Variants in TTC9C observed in about 807,000 individuals in gnomAD.
TTC9C encodes the protein tetratricopeptide repeat domain 9C, also known as tetratricopeptide repeat protein 9C.
Under a neutral mutation model 22.5 loss-of-function variants are expected in TTC9C, and 15 were observed. The observed-to-expected ratio is 0.67, with a 90% CI of 0.45 to 1.03. The LOEUF (loss-of-function observed/expected upper bound fraction) is 1.03. Ranked by LOEUF, TTC9C falls within the 50% of genes least tolerant of loss-of-function variation. TTC9C has a pLI of 0.00. For synonymous variants in TTC9C, 92 were observed against 86.8 expected (o/e 1.06, Z -0.33); for missense variants, 244 against 214.6 (o/e 1.14, Z -0.86).
At chr11:62,729,413 T>TTTA (rs2083818962) in intron 1 of TTC9C, among the ~76,000 whole-genome samples, 2 of 142,548 alleles carry the variant, frequency 1.4e-5, no homozygotes, top group Non-Finnish European at 3.2e-5. Flanking sequence ...TTTTATTTTT[T>TTTA]TTTGAGATGG....
In TTC9C at chr11:62,735,696, C is replaced by T. The variant is rs1027855553; in HGVS notation, c.421+132C>T. ...TAATACATTCACATGGTTGAGAATT[C>T]GAACTGAAAAAGTATACGATGAACA... On this transcript the variant is annotated intron_variant, in intron 2 of 2. Transcript: ENST00000316461. 30 of 1,394,880 alleles carry T rather than the reference C, an allele frequency of 2.2e-5. No homozygotes were observed. In the African/African-American group the frequency reaches 3.2e-4, roughly 15 times the overall value. The allele number at this position is 1,394,880 out of a possible 1,614,324, so 86.4% of individuals were successfully genotyped here. A position where few individuals can be genotyped will look rare whatever the true frequency, so the allele number is the denominator to read the frequency against.
At chr11:62,734,966 G>A (rs765712880) in intron 1 of TTC9C, among the ~76,000 whole-genome samples, 53 of 152,100 alleles carry the variant, frequency 3.5e-4, no homozygotes, top group Admixed American at 1.3e-3. Flanking sequence ...GCACGATCTC[G>A]GCTCACCGAA....
chr11:62,728,460 G>GC (rs35329194), upstream of TTC9C: 3 of 467,254 alleles, frequency 6.4e-6, no homozygotes, highest in Non-Finnish European at 1.3e-5. Flanking sequence ...TCGGGGGGGG[G>GC]CGGGTCCAAT....
chr11:62,735,022 G>A lies in TTC9C; in HGVS notation c.239-360G>A, dbSNP rs375054437. Among the ~76,000 whole-genome samples the A allele has an allele frequency of 3.3e-5, 5 of 152,170 alleles. No individual in the cohort carries two copies. The East Asian group carries it at 5.8e-4, about 18-fold the overall frequency. ...AGCGATTCTCTTGCCTCACCCTCCC[G>A]AGTAGCTGGGATTACAGGCATGCGC... On this transcript the variant is annotated intron_variant, in intron 1 of 2. Transcript: ENST00000316461.
chr11:62,733,230 C>T, intron 1 of TTC9C: 2 of 1,187,852 alleles, frequency 1.7e-6, no homozygotes, highest in Admixed American at 5.6e-5. Flanking sequence ...TTAAGTCATC[C>T]AAGAGAATAG....
intron 1 of TTC9C, among the ~76,000 whole-genome samples, chr11:62,729,897 C>A (rs1410228638): frequency 1.3e-5 from 2 of 151,916 alleles, no homozygotes; most frequent in African/African-American, 4.8e-5. Flanking sequence ...TTCTAACAGC[C>A]TTCTGGGTAT....
intron 1 of TTC9C, among the ~76,000 whole-genome samples, 178 bp downstream of exon 1, chr11:62,729,264 C>T (rs1280526515): frequency 6.6e-6 from 1 of 152,006 alleles, no homozygotes; most frequent in African/African-American, 2.4e-5. Flanking sequence ...TAGAGCAGGG[C>T]TTCTCAGACT....
At chr11:62,737,716 T>A (rs2083927975) in intron 2 of TTC9C, among the ~76,000 whole-genome samples, 1 of 152,194 alleles carries the variant, frequency 6.6e-6, no homozygotes, top group Non-Finnish European at 1.5e-5. Context: ...AACTGCTTCA[T>A]CAATCTTGCT....
At position 62,728,936 on chromosome 11, in the gene TTC9C, A is replaced by G. The variant is rs1482508421; in HGVS notation, c.88A>G (p.Arg30Gly). The G allele has an allele frequency of 3.1e-6, 5 of 1,614,194 alleles. No homozygotes were observed. The Admixed American group carries it at 8.3e-5, about 27-fold the overall frequency. ...REGKYRDAVS[R>G]YHRALLQLRG... is the part of the protein sequence containing the mutation. ...AGGGAAGTACCGAGATGCTGTGAGT[A>G]GGTACCATCGAGCTCTGCTTCAGCT... The change falls in exon 1 of 3, where the codon AGG becomes GGG. Residue 30 changes from arginine (R) to glycine (G), a missense_variant. Transcript: ENST00000316461.
At position 62,728,642 on chromosome 11, in the gene TTC9C, C is replaced by T. The variant is rs1171575767; in HGVS notation, c.-207C>T. The T allele has an allele frequency of 5.8e-6, 4 of 688,444 alleles. No homozygotes were observed. Among genetic ancestry groups the T allele is most frequent in the East Asian group, 2.8e-5 (1 of 35,922 alleles). 42.6% of individuals were successfully genotyped at this position (688,444 alleles called of 1,614,324 possible). ...TCCCTTTCCTTACTACTTGCCTGCA[C>T]TTCTTGAGAAAAAGACTGCAGAAAG... On this transcript the variant is annotated 5_prime_UTR_variant, in exon 1 of 3. Transcript: ENST00000316461.
chr11:62,728,975 C>G lies in TTC9C; in HGVS notation c.127C>G (p.Pro43Ala). ...TCTGCTTCAGCTGCGGGGTCTGGAT[C>G]CGAGTCTGCCCTCTCCGTTACCTAA... ...RALLQLRGLD[P>A]SLPSPLPNLG... The change falls in exon 1 of 3, where the codon CCG (proline) becomes GCG (alanine). Residue 43 changes from proline to alanine, a missense_variant. Physicochemically the swap from Pro to Ala is conservative, Grantham distance 27. Transcript: ENST00000316461. 1 of 1,614,124 alleles carries G rather than the reference C, an allele frequency of 6.2e-7. No individual in the cohort carries two copies. Among genetic ancestry groups the G allele is most frequent in the South Asian group, 1.1e-5 (1 of 91,072 alleles).
rs1335244823 is a variant in TTC9C at position 62,728,840 on chromosome 11, G to A, written c.-9G>A. On this transcript the variant is annotated 5_prime_UTR_variant, in exon 1 of 3. Coordinates refer to ENST00000316461, the MANE Select transcript of TTC9C (RefSeq NM_173810.4). ...CTTCCCAGTTCCGCAAGAACCGTGG[G>A]CGACAGTTATGGAGAAGCGTCTGCA... 6.2e-7 allele frequency: 1 copy of A among 1,613,892 alleles called. No individual in the cohort carries two copies. The highest frequency in any genetic ancestry group is 8.5e-7 in the Non-Finnish European group (1 of 1,179,814).
intron 2 of TTC9C, 173 bp downstream of exon 2, chr11:62,735,737 T>C (rs975681835): frequency 2.6e-4 from 309 of 1,210,564 alleles, no homozygotes; most frequent in Non-Finnish European, 3.2e-4. Context: ...TTTTCCACTC[T>C]TGTGTTCTTG....
At chr11:62,734,789 A>G (rs1055580425) in intron 1 of TTC9C, among the ~76,000 whole-genome samples, 5 of 152,054 alleles carry the variant, frequency 3.3e-5, no homozygotes, top group Non-Finnish European at 7.4e-5. Flanking sequence ...GCCGAGTTTT[A>G]AATAAATTTT....
intron 2 of TTC9C, chr11:62,736,191 C>A (rs953913666): frequency 7.3e-6 from 1 of 137,168 alleles, no homozygotes; most frequent in Non-Finnish European, 1.5e-5. Context: ...GAGCCGAGAT[C>A]CTGGGCAACA....
Position 62,738,482 on chromosome 11 carries a change from C to G in TTC9C, c.*100C>G. 1 of 779,664 alleles carries G rather than the reference C, an allele frequency of 1.3e-6. No homozygotes were observed. Among genetic ancestry groups the G allele is most frequent in the Non-Finnish European group, 2.1e-6 (1 of 481,866 alleles). 48.3% of individuals were successfully genotyped at this position (779,664 alleles called of 1,614,324 possible). On this transcript the variant is annotated 3_prime_UTR_variant, in exon 3 of 3. Coordinates refer to ENST00000316461, the MANE Select transcript of TTC9C (RefSeq NM_173810.4). ...AGCAAGAGAAATTAACCCTATACCT[C>G]TGACCCAGGTGGATTTTTGTTTCTA... is the stretch of plus-strand genomic sequence containing the variant.
chr11:62,735,161 T>G (rs996235946), intron 1 of TTC9C, among the ~76,000 whole-genome samples: 4 of 152,234 alleles, frequency 2.6e-5, no homozygotes, highest in African/African-American at 9.6e-5. Context: ...CCCAAAGTGC[T>G]GGGATTACAG....
intron 1 of TTC9C, among the ~76,000 whole-genome samples, chr11:62,730,399 C>CAAAA (rs2083834785): frequency 6.6e-6 from 1 of 151,600 alleles, no homozygotes; most frequent in Non-Finnish European, 1.5e-5. Flanking sequence ...TATTGAGTGC[C>CAAAA]TATAACATGT....
chr11:62,735,807 A>G lies in TTC9C; in HGVS notation c.421+243A>G, dbSNP rs978653987. 1.6e-5 allele frequency: 7 copies of G among 429,848 alleles called. No homozygotes were observed. In the Admixed American group the frequency reaches 2.0e-4, roughly 12 times the overall value. 26.6% of individuals were successfully genotyped at this position (429,848 alleles called of 1,614,324 possible). On this transcript the variant is annotated intron_variant, in intron 2 of 2. Coordinates refer to ENST00000316461, the MANE Select transcript of TTC9C (RefSeq NM_173810.4). The stretch of plus-strand genomic sequence containing the variant: ...GTAGGGGGTTGATGCTTAATCAGAC[A>G]TACACAATATATATGTTGGTATGTC...
Sources: gnomAD v4.1 joint callset for allele counts (sites outside exome capture counted in the v4.1 genomes callset) on GRCh38, gnomAD v4.1.1 for gene constraint, MANE v1.5 for transcripts, NCBI Gene and HGNC (gene_info 2026-07-23, HGNC 2026-07-21) for gene names.